The following COL5A3 variants were observed in gnomAD, a reference collection of about 807,000 sequenced individuals.
The protein encoded by COL5A3 is collagen type V alpha 3 chain.
COL5A3 carries 172 observed loss-of-function variants against 250.0 expected under a neutral mutation model. The ratio of observed to expected loss-of-function variants is 0.69; its 90% CI spans 0.61 to 0.78. COL5A3 has a LOEUF of 0.78. COL5A3 is among the 30% of genes least tolerant of loss of function. The probability of loss-of-function intolerance (pLI) is 0.00; values close to 1 mark genes in which losing one functional copy is unlikely to be tolerated. For missense variants in COL5A3, 2,340 were observed against 2,334.4 expected, an observed-to-expected ratio of 1.00 and a Z score of -0.05; for synonymous variants, 937 against 900.4, an observed-to-expected ratio of 1.04 and a Z score of -0.73.
In COL5A3 at chr19:9,972,881, C is replaced by G. The variant is rs769192299; in HGVS notation, c.3774+38G>C. 10 of 1,469,250 alleles carry G rather than the reference C, an allele frequency of 6.8e-6. No individual in the cohort carries two copies. The African/African-American group carries it at 1.4e-4, about 21-fold the overall frequency. 91.0% of individuals were successfully genotyped at this position (1,469,250 alleles called of 1,614,324 possible). A position where few individuals can be genotyped will look rare whatever the true frequency, so the allele number is the denominator to read the frequency against. On this transcript the variant is annotated intron_variant, in intron 51 of 66. Coordinates refer to ENST00000264828, the MANE Select transcript of COL5A3 (RefSeq NM_015719.4). ...AGAGCTTCAAGTACATTCAAGTGCC[C>G]CCTCCCATGTCTGCCCCCACTTCCC... is the stretch of plus-strand genomic sequence containing the variant.
At chr19:9,963,894 C>T (rs1017282638) in intron 64 of COL5A3, among the ~76,000 whole-genome samples, 3 of 151,832 alleles carry the variant, frequency 2.0e-5, no homozygotes, top group African/African-American at 7.3e-5. Context: ...TGGGGCCAGG[C>T]GCGGTGGCTC....
intron 63 of COL5A3, 24 bp from the exon 64 acceptor site, chr19:9,966,450 G>A (rs920958352): frequency 6.3e-7 from 1 of 1,582,396 alleles, no homozygotes; most frequent in South Asian, 1.2e-5. Context: ...AGGCAGGGTG[G>A]GTGAGTCCGG....
At chr19:9,988,852 A>AGAGAGAGAG (rs1555738978) in intron 27 of COL5A3, among the ~76,000 whole-genome samples, 1 of 101,824 alleles carries the variant, frequency 9.8e-6, no homozygotes, top group African/African-American at 5.7e-5. Context: ...AAAAAAAAAA[A>AGAGAGAGAG]AAAAAAGAAA....
Position 9,968,338 on chromosome 19 carries a change from AC to A in COL5A3, c.4314+46del, listed in dbSNP as rs756977621. The A allele has an allele frequency of 7.6e-7, 1 of 1,314,742 alleles. No homozygotes were observed. The highest frequency in any genetic ancestry group is 2.4e-5 in the East Asian group (1 of 42,428). The allele number at this position is 1,314,742 out of a possible 1,614,324, so 81.4% of individuals were successfully genotyped here. A position where few individuals can be genotyped will look rare whatever the true frequency, so the allele number is the denominator to read the frequency against. On this transcript the variant is annotated intron_variant, in intron 59 of 66. Coordinates refer to ENST00000264828, the MANE Select transcript of COL5A3 (RefSeq NM_015719.4). This position sits in a 1 kb window ranked among gnomAD's most constrained non-coding sequence, Gnocchi z 4.1. ...CCCCACACCCACAGTCTCTCAACCG[AC>A]CCCCTCCTTCAAATGCATTCTTCCC...
At chr19:9,993,129 T>C in intron 19 of COL5A3, 62 bp from the exon 20 acceptor site, 1 of 1,553,230 alleles carries the variant, frequency 6.4e-7, no homozygotes, top group Non-Finnish European at 8.8e-7. Flanking sequence ...CCACCTCCCC[T>C]CATCTGGGCA....
intron 41 of COL5A3, among the ~76,000 whole-genome samples, chr19:9,977,963 TATATATATATATATATA>T (rs770140108): frequency 0.099 from 6,234 of 62,920 alleles, 280 homozygotes; most frequent in Non-Finnish European, 0.13. Flanking sequence ...TATATATATA[TATATATATATATATATA>T]TATATTTGTA....
At position 9,960,509 on chromosome 19, in the gene COL5A3, C is replaced by T. The variant is rs1304813119; in HGVS notation, c.5140G>A (p.Ala1714Thr). The T allele has an allele frequency of 6.2e-7, 1 of 1,614,186 alleles. No homozygotes were observed. Among genetic ancestry groups the T allele is most frequent in the East Asian group, 2.2e-5 (1 of 44,876 alleles). Residue 1714 changes from alanine (A) to threonine (T), a missense_variant, in exon 67 of 67, where the codon GCG becomes ACG. Physicochemically the swap from Ala to Thr is moderately conservative, Grantham distance 58. Transcript: ENST00000264828. ...ACATCCCACAGGGGCAGAAATCCCGCTCGAGAAGAGCTGAATTCGAAAAGG... is the reference window on the plus strand; with the variant it reads ...ACATCCCACAGGGGCAGAAATCCCGTTCGAGAAGAGCTGAATTCGAAAAGG... Reference protein sequence around the residue: ...KTLFEFSSSRAGFLPLWDVAA... With the variant: ...KTLFEFSSSRTGFLPLWDVAA...
chr19:10,001,469 A>G, intron 8 of COL5A3, 55 bp downstream of exon 8: 2 of 1,555,600 alleles, frequency 1.3e-6, no homozygotes, highest in Non-Finnish European at 1.7e-6. Context: ...TTTTAAAAAA[A>G]TTTTAATAGG....
intron 65 of COL5A3, 68 bp from the exon 66 acceptor site, chr19:9,960,958 T>A (rs918542): frequency 6.4e-7 from 1 of 1,570,470 alleles, no homozygotes; most frequent in Non-Finnish European, 8.6e-7. Context: ...AGCCACCCCC[T>A]GGAATCTCCA....
Position 9,989,031 on chromosome 19 carries a change from C to T in COL5A3, c.2145+93G>A, listed in dbSNP as rs536354467. On this transcript the variant is annotated intron_variant, in intron 27 of 66. Coordinates refer to ENST00000264828, the MANE Select transcript of COL5A3 (RefSeq NM_015719.4). ...CATTTGGCCTGGCCAACTGATTCCC[C>T]TCTCCACACATCCAGAAGTTTCTGA... The T allele has an allele frequency of 2.2e-5, 30 of 1,349,330 alleles. No individual in the cohort carries two copies. The African/African-American group carries it at 3.4e-4, about 15-fold the overall frequency. The allele number at this position is 1,349,330 out of a possible 1,614,324, so 83.6% of individuals were successfully genotyped here.
intron 35 of COL5A3, 69 bp downstream of exon 35, chr19:9,980,579 C>A: frequency 6.4e-7 from 1 of 1,562,418 alleles, no homozygotes; most frequent in East Asian, 2.4e-5. Flanking sequence ...TTGGGTTTGT[C>A]CTCCACTCAG....
At chr19:9,985,944 A>G (rs1461130452) in intron 30 of COL5A3, 49 bp from the exon 31 acceptor site, 1 of 1,568,766 alleles carries the variant, frequency 6.4e-7, no homozygotes, top group Non-Finnish European at 8.8e-7. Flanking sequence ...CCTGGAGGTC[A>G]GAGGCGGAAA....
intron 31 of COL5A3, among the ~76,000 whole-genome samples, chr19:9,983,544 GA>G (rs1270443233): frequency 6.4e-5 from 2 of 31,118 alleles, no homozygotes; most frequent in Non-Finnish European, 7.3e-5. Flanking sequence ...AAGAAAGAAA[GA>G]AAGAAAGAAA....
At chr19:9,995,969 C>A in intron 15 of COL5A3, 97 bp downstream of exon 15, 1 of 1,217,870 alleles carries the variant, frequency 8.2e-7, no homozygotes, top group Non-Finnish European at 1.1e-6. Flanking sequence ...AAGGGTATCC[C>A]CAGCCCCTTT....
Position 9,977,289 on chromosome 19 carries a change from A to G in COL5A3, c.3235-7T>C. On this transcript the variant is annotated splice_polypyrimidine_tract_variant and splice_region_variant and intron_variant, in intron 43 of 66. Transcript: ENST00000264828. ...CGGGGGCACCCACATCCCCCTGCAGAGGAAATGGGATGAAGGACCCAGCTT... is the reference window on the plus strand; with the variant it reads ...CGGGGGCACCCACATCCCCCTGCAGGGGAAATGGGATGAAGGACCCAGCTT... The G allele has an allele frequency of 6.2e-7, 1 of 1,613,940 alleles. No individual in the cohort carries two copies. The highest frequency in any genetic ancestry group is 1.1e-5 in the South Asian group (1 of 91,070).
In COL5A3 at chr19:9,975,434, G is replaced by A. The variant is rs769600650; in HGVS notation, c.3343-1026C>T. On this transcript the variant is annotated intron_variant, in intron 45 of 66. Coordinates refer to ENST00000264828, the MANE Select transcript of COL5A3 (RefSeq NM_015719.4). ...AAGGTCATGAGTAGAGTTGAGACTG[G>A]GGCTGAAGTGGGGGTTCAGAGCTGG... Among the ~76,000 whole-genome samples the A allele has an allele frequency of 4.3e-4, 65 of 152,078 alleles. 1 individual carries two copies. Among genetic ancestry groups the A allele is most frequent in the Non-Finnish European group, 7.4e-4 (50 of 68,022 alleles).
At chr19:9,977,540 T>C (rs771048706) in intron 42 of COL5A3, 54 bp downstream of exon 42, 5 of 1,516,052 alleles carry the variant, frequency 3.3e-6, no homozygotes, top group Non-Finnish European at 4.4e-6. Flanking sequence ...TCCTGGGATG[T>C]GGCAGGGCCA....
In COL5A3 at chr19:9,963,563, G is replaced by T. The variant is rs867260034; in HGVS notation, c.4783-676C>A. Among the ~76,000 whole-genome samples the T allele has an allele frequency of 1.3e-3, 86 of 68,172 alleles. 1 individual carries two copies. The highest frequency in any genetic ancestry group is 8.8e-3 in the Middle Eastern group (1 of 114). The allele number at this position is 68,172 out of a possible 152,430, so 44.7% of individuals were successfully genotyped here. On this transcript the variant is annotated intron_variant, in intron 64 of 66. Transcript: ENST00000264828. The stretch of plus-strand genomic sequence containing the variant: ...TGTGCCACCATGCCTGTTTTTTTTG[G>T]GGGGGGGGGCGGGTGGAGGGGGTCT...
Position 9,961,749 on chromosome 19 carries a change from G to A in COL5A3, c.4852-859C>T, listed in dbSNP as rs905692845. Among the ~76,000 whole-genome samples, 55 of 151,586 alleles carry A rather than the reference G, an allele frequency of 3.6e-4. 1 individual carries two copies. Among genetic ancestry groups the A allele is most frequent in the Admixed American group, 1.1e-3 (16 of 15,170 alleles). ...AATTTTTTGTATTTTTAGTAGAGAC[G>A]GGGTTTCACCATGTTAGCCAGGATG... On this transcript the variant is annotated intron_variant, in intron 65 of 66. Coordinates refer to ENST00000264828, the MANE Select transcript of COL5A3 (RefSeq NM_015719.4).
Sources: gnomAD v4.1 joint callset for allele counts (sites outside exome capture counted in the v4.1 genomes callset) on GRCh38, gnomAD v4.1.1 for gene constraint, Gnocchi (gnomAD v3.1) non-coding constraint, MANE v1.5 for transcripts, NCBI Gene and HGNC (gene_info 2026-07-23, HGNC 2026-07-21) for gene names.